MED13: variants seen among roughly 807,000 people sequenced by gnomAD.
MED13 encodes the protein mediator complex subunit 13.
MED13 carries 23 observed loss-of-function variants against 225.2 expected under a neutral mutation model. That is an observed-to-expected ratio of 0.10 (90% CI 0.07 to 0.14). The LOEUF (loss-of-function observed/expected upper bound fraction) is 0.14, where lower values mean the gene tolerates loss of function less well. Among genes scored for constraint, MED13 ranks in the 10% least tolerant of loss-of-function variants. MED13 has a pLI of 1.00. For missense variants in MED13, 2,197 were observed against 2,594.5 expected (o/e 0.85, Z 3.33); for synonymous variants, 942 against 889.2 (o/e 1.06, Z -1.06).
chr17:61,946,673 G>A, intron 29 of MED13, 73 bp from the exon 30 acceptor site: 1 of 1,553,622 alleles, frequency 6.4e-7, no homozygotes, highest in Non-Finnish European at 8.8e-7. Context: ...TTTCAATTAT[G>A]GCATTTAAGA....
intron 11 of MED13, among the ~76,000 whole-genome samples, chr17:61,990,879 G>A (rs76600369): frequency 0.013 from 1,932 of 152,074 alleles, 39 homozygotes; most frequent in African/African-American, 0.044. Context: ...TGCTAACTAA[G>A]TATTTGTTGA....
intron 3 of MED13, among the ~76,000 whole-genome samples, chr17:62,047,844 C>T (rs1487035041): frequency 7.3e-5 from 11 of 151,712 alleles, no homozygotes; most frequent in African/African-American, 2.4e-4. Flanking sequence ...CCTCCCACCT[C>T]GGCCCCTTAG....
At position 62,010,641 on chromosome 17, in the gene MED13, C is replaced by T. The variant is rs755100865; in HGVS notation, c.1876G>A (p.Val626Ile). Reference sequence around the variant, plus strand: ...GGAAGTTGAGGTGGTAAAAACTCTACATCTTTTTTCTTTGGGAACTTGTAA... The same window carrying T: ...GGAAGTTGAGGTGGTAAAAACTCTATATCTTTTTTCTTTGGGAACTTGTAA... Reference protein sequence around the residue: ...KYYKFPKKKDVEFLPPQLPSD... With the variant: ...KYYKFPKKKDIEFLPPQLPSD... The change falls in exon 9 of 30, where the codon GTA (valine) becomes ATA (isoleucine). Residue 626 changes from valine to isoleucine, a missense_variant. Transcript: ENST00000397786. The T allele has an allele frequency of 5.3e-6, 8 of 1,497,864 alleles. No individual in the cohort carries two copies. The highest frequency in any genetic ancestry group is 2.8e-5 in the African/African-American group (2 of 71,498). The allele number at this position is 1,497,864 out of a possible 1,614,324, so 92.8% of individuals were successfully genotyped here. A position where few individuals can be genotyped will look rare whatever the true frequency, so the allele number is the denominator to read the frequency against.
In MED13 at chr17:62,031,594, G is replaced by C; in HGVS notation, c.859C>G (p.Gln287Glu). ...GGGCTAGGAGTAGGAATGTCTGACT[G>C]AGGGACTAGAACAAAGCATGCTGGG... ...IYPACFVLVP[Q>E]SDIPTPSPVG... Residue 287 changes from glutamine (Q) to glutamate (E), a missense_variant, in exon 6 of 30, where the codon CAG becomes GAG. Gln to Glu is a conservative substitution (Grantham distance 29, BLOSUM62 2). This residue lies in a region of MED13 where 884 missense variants were observed against 918.5 expected (regional missense o/e 0.96). Coordinates refer to ENST00000397786, the MANE Select transcript of MED13 (RefSeq NM_005121.3). The C allele has an allele frequency of 6.2e-7, 1 of 1,613,240 alleles. No individual in the cohort carries two copies. Among genetic ancestry groups the C allele is most frequent in the Non-Finnish European group, 8.5e-7 (1 of 1,179,644 alleles).
intron 3 of MED13, among the ~76,000 whole-genome samples, chr17:62,039,453 T>C (rs1289785654): frequency 6.6e-6 from 1 of 152,058 alleles, no homozygotes; most frequent in Non-Finnish European, 1.5e-5. Context: ...CAGCTAATTT[T>C]TGTATTTTTA....
chr17:61,998,968 A>T (rs2080370193), intron 9 of MED13, among the ~76,000 whole-genome samples: 1 of 145,050 alleles, frequency 6.9e-6, no homozygotes, highest in Admixed American at 7.0e-5. Context: ...CTATATTCAG[A>T]ATCAATCCCT....
At chr17:62,008,687 GC>G (rs2080477957) in intron 9 of MED13, among the ~76,000 whole-genome samples, 1 of 151,148 alleles carries the variant, frequency 6.6e-6, no homozygotes. Flanking sequence ...TCCCCCCGCC[GC>G]CCCCTCCCCC....
In MED13 at chr17:61,966,654, A is replaced by G. The variant is rs1410907230; in HGVS notation, c.4192-3T>C. 1 of 1,571,898 alleles carries G rather than the reference A, an allele frequency of 6.4e-7. No individual in the cohort carries two copies. Among genetic ancestry groups the G allele is most frequent in the Non-Finnish European group, 8.6e-7 (1 of 1,161,244 alleles). On this transcript the variant is annotated splice_region_variant and splice_polypyrimidine_tract_variant and intron_variant, in intron 18 of 29. Coordinates refer to ENST00000397786, the MANE Select transcript of MED13 (RefSeq NM_005121.3). ...CTATGTTGACCTAATCGACAGGACT[A>G]CAAATATACATACAGAAAGCAGAAT...
chr17:61,949,535 T>C (rs2079879273), intron 28 of MED13, among the ~76,000 whole-genome samples: 1 of 152,142 alleles, frequency 6.6e-6, no homozygotes, highest in South Asian at 2.1e-4. Flanking sequence ...CCTGAGTTTG[T>C]TGTAATAAAT....
In MED13 at chr17:61,984,781, T is replaced by A. The variant is rs1344343584; in HGVS notation, c.2561A>T (p.Asn854Ile). The A allele has an allele frequency of 6.2e-7, 1 of 1,613,390 alleles. No individual in the cohort carries two copies. Among genetic ancestry groups the A allele is most frequent in the African/African-American group, 1.3e-5 (1 of 74,922 alleles). ...IMGFSPMNMNNKEYGSMDTTP... is the reference protein window; with the variant it reads ...IMGFSPMNMNIKEYGSMDTTP... ...TGTATCCATACTACCATATTCTTTA[T>A]TATTCATATTCATTGGGGAAAATCC... The change falls in exon 14 of 30, where the codon AAT becomes ATT. Residue 854 changes from asparagine to isoleucine, a missense_variant. Coordinates refer to ENST00000397786, the MANE Select transcript of MED13 (RefSeq NM_005121.3).
rs780285438 is a variant in MED13, at chr17:61,966,450, C to G, written c.4381+12G>C. 2.5e-6 allele frequency: 4 copies of G among 1,596,796 alleles called. No individual in the cohort carries two copies. Among genetic ancestry groups the G allele is most frequent in the Middle Eastern group, 3.4e-4 (2 of 5,968 alleles). On this transcript the variant is annotated intron_variant, in intron 19 of 29. Transcript: ENST00000397786. ...TAACACCAGCCTTATACAATAAATACAAATTCAATACCTAGGTCATATCTG... is the reference window on the plus strand; with the variant it reads ...TAACACCAGCCTTATACAATAAATAGAAATTCAATACCTAGGTCATATCTG...
intron 19 of MED13, among the ~76,000 whole-genome samples, chr17:61,966,175 C>T (rs548219274): frequency 4.5e-4 from 69 of 152,288 alleles, no homozygotes; most frequent in Middle Eastern, 3.4e-3. Context: ...ACAGAGGCAA[C>T]AGAAAATTTA....
In MED13 at chr17:61,944,806, C is replaced by T. The variant is rs2079840343; in HGVS notation, c.*1662G>A. 6.6e-6 allele frequency: 1 copy of T among 152,552 alleles called. No individual in the cohort carries two copies. Among genetic ancestry groups the T allele is most frequent in the South Asian group, 2.1e-4 (1 of 4,830 alleles). 9.4% of individuals were successfully genotyped at this position (152,552 alleles called of 1,614,324 possible). ...ACTGCTTCCAAGAAAGCTAGGTAGA[C>T]TCGGCGACTGTGAATTCAAGTCAGC... On this transcript the variant is annotated 3_prime_UTR_variant, in exon 30 of 30. Coordinates refer to ENST00000397786, the MANE Select transcript of MED13 (RefSeq NM_005121.3).
chr17:62,022,174 AAT>A (rs35902303), intron 8 of MED13, among the ~76,000 whole-genome samples: 1,978 of 141,260 alleles, frequency 0.014, 30 homozygotes, highest in African/African-American at 0.043. Context: ...TCAAAAAAAA[AAT>A]ATATATATAT....
At chr17:61,957,172 G>A (rs1166223795) in intron 23 of MED13, among the ~76,000 whole-genome samples, 4 of 151,358 alleles carry the variant, frequency 2.6e-5, no homozygotes, top group East Asian at 1.9e-4. Flanking sequence ...TCAGCCTTCC[G>A]AGCAGCTGAG....
chr17:61,992,602 C>T lies in MED13; in HGVS notation c.2201G>A (p.Ser734Asn). The change falls in exon 11 of 30, where the codon AGT (serine) becomes AAT (asparagine). Residue 734 changes from serine to asparagine, a missense_variant. By Grantham distance (46) the Ser-to-Asn change is conservative. Around this residue, in one of 12 missense-constraint regions of MED13, gnomAD observed 884 missense variants for 918.5 expected, o/e 0.96. Coordinates refer to ENST00000397786, the MANE Select transcript of MED13 (RefSeq NM_005121.3). ...TTCTTCATGTGATAACACTGTTACA[C>T]TAGATGTCCCATCTTCTACCTGCAA... ...KKHKVEDGTS[S>N]VTVLSHEEDA... 6.2e-7 allele frequency: 1 copy of T among 1,609,946 alleles called. No homozygotes were observed. The highest frequency in any genetic ancestry group is 8.5e-7 in the Non-Finnish European group (1 of 1,176,592).
chr17:62,061,545 TC>T (rs934522078), intron 2 of MED13, among the ~76,000 whole-genome samples: 1 of 152,194 alleles, frequency 6.6e-6, no homozygotes, highest in Non-Finnish European at 1.5e-5. Context: ...TTATGTTTTA[TC>T]AACAAATATA....
intron 2 of MED13, among the ~76,000 whole-genome samples, chr17:62,054,857 A>G (rs2080984466): frequency 2.0e-5 from 3 of 152,072 alleles, no homozygotes; most frequent in Admixed American, 2.0e-4. Context: ...CTACCTTCTG[A>G]TGGTTGTAAC....
At chr17:61,975,914 G>A (rs1435457749) in intron 16 of MED13, among the ~76,000 whole-genome samples, 1 of 152,186 alleles carries the variant, frequency 6.6e-6, no homozygotes, top group Non-Finnish European at 1.5e-5. Flanking sequence ...TACTTGGGAG[G>A]CTGAGGCGGG....
Sources: allele counts gnomAD v4.1 joint callset (sites outside exome capture counted in the v4.1 genomes callset), GRCh38; gene constraint gnomAD v4.1.1; regional missense constraint gnomAD v4.1.1; transcripts MANE v1.5; gene names NCBI Gene and HGNC (gene_info 2026-07-23, HGNC 2026-07-21).